Variants in ASIC2 observed in about 807,000 individuals in gnomAD.
ASIC2 encodes acid sensing ion channel subunit 2, also known as acid-sensing ion channel 2.
A neutral mutation model predicts 57.3 loss-of-function variants in ASIC2; 25 were observed. The ratio of observed to expected loss-of-function variants is 0.44; its 90% CI spans 0.32 to 0.61. ASIC2 has a LOEUF of 0.61. Among genes scored for constraint, ASIC2 ranks in the 20% least tolerant of loss-of-function variants. The pLI, the probability that ASIC2 is intolerant of heterozygous loss-of-function variation, is 0.06. For synonymous variants in ASIC2, 319 were observed against 307.5 expected (o/e 1.04, Z -0.39); for missense variants, 641 against 738.1 (o/e 0.87, Z 1.52).
At chr17:33,764,251 A>G (rs1910868866) in intron 1 of ASIC2, among the ~76,000 whole-genome samples, 1 of 150,968 alleles carries the variant, frequency 6.6e-6, no homozygotes, top group African/African-American at 2.4e-5. Flanking sequence ...CAGGAGGCGG[A>G]GCTTGCAGTG....
intron 1 of ASIC2, among the ~76,000 whole-genome samples, chr17:34,116,885 TGTGG>T (rs1263716558): frequency 2.0e-5 from 3 of 152,026 alleles, no homozygotes; most frequent in Non-Finnish European, 4.4e-5. Context: ...TATGTGTGTG[TGTGG>T]GTGGGTGGGT....
At chr17:33,906,481 T>C (rs530895176) in intron 1 of ASIC2, among the ~76,000 whole-genome samples, 7 of 152,336 alleles carry the variant, frequency 4.6e-5, no homozygotes, top group African/African-American at 1.7e-4. Flanking sequence ...AGATGCATGA[T>C]GGAAATGCAC....
intron 1 of ASIC2, among the ~76,000 whole-genome samples, chr17:33,330,083 A>G (rs1907249415): frequency 6.6e-6 from 1 of 152,088 alleles, no homozygotes; most frequent in South Asian, 2.1e-4. Context: ...CTGTGTTTGT[A>G]TGCATTTATT....
At chr17:33,072,048 C>A (rs2092071323) in intron 3 of ASIC2, among the ~76,000 whole-genome samples, 1 of 152,100 alleles carries the variant, frequency 6.6e-6, no homozygotes, top group Admixed American at 6.5e-5. Context: ...GGAGTTCTGT[C>A]TCTGTGAAGT....
At chr17:34,016,455 T>C (rs557769410) in intron 1 of ASIC2, among the ~76,000 whole-genome samples, 1 of 131,052 alleles carries the variant, frequency 7.6e-6, no homozygotes, top group South Asian at 2.4e-4. Context: ...AAAGAAACAA[T>C]GCAACTGCCC....
At chr17:33,252,076 A>C (rs1597651632) in intron 1 of ASIC2, among the ~76,000 whole-genome samples, 1 of 152,198 alleles carries the variant, frequency 6.6e-6, no homozygotes, top group African/African-American at 2.4e-5. Context: ...TGTGCAGAGC[A>C]TGAAGAACTG....
chr17:33,345,053 GA>G (rs1223638299), intron 1 of ASIC2, among the ~76,000 whole-genome samples: 1 of 152,052 alleles, frequency 6.6e-6, no homozygotes, highest in East Asian at 1.9e-4. Flanking sequence ...TGGAACTCCT[GA>G]CTACCAAAAT....
intron 1 of ASIC2, among the ~76,000 whole-genome samples, chr17:34,095,067 T>C (rs1335191399): frequency 6.6e-6 from 1 of 152,234 alleles, no homozygotes; most frequent in Non-Finnish European, 1.5e-5. Context: ...CCCTGGGTCT[T>C]CAGTTTCTCC....
intron 1 of ASIC2, among the ~76,000 whole-genome samples, chr17:33,706,998 T>C (rs1292561599): frequency 1.3e-5 from 2 of 152,204 alleles, no homozygotes; most frequent in Non-Finnish European, 2.9e-5. Flanking sequence ...GCTGTGAAAA[T>C]TCTTTGATTT....
chr17:33,156,857 A>G (rs1344936580), intron 1 of ASIC2, among the ~76,000 whole-genome samples: 2 of 152,188 alleles, frequency 1.3e-5, no homozygotes, highest in African/African-American at 4.8e-5. Flanking sequence ...GGAAGGGAAT[A>G]TTGGATATCA....
intron 1 of ASIC2, among the ~76,000 whole-genome samples, chr17:33,135,370 T>C (rs991240128): frequency 6.6e-6 from 1 of 152,222 alleles, no homozygotes; most frequent in Non-Finnish European, 1.5e-5. Context: ...CTTACTTGAA[T>C]CACTGTGCCT....
chr17:33,765,836 T>C (rs1193905036), intron 1 of ASIC2, among the ~76,000 whole-genome samples: 1 of 152,218 alleles, frequency 6.6e-6, no homozygotes, highest in African/African-American at 2.4e-5. Context: ...GTGAGGTCTT[T>C]GGCGTCCCTT....
intron 3 of ASIC2, among the ~76,000 whole-genome samples, chr17:33,064,527 T>C (rs1287337383): frequency 6.6e-6 from 1 of 152,184 alleles, no homozygotes; most frequent in African/African-American, 2.4e-5. Flanking sequence ...GAACAGCAAA[T>C]GTTGCTGTCT....
intron 1 of ASIC2, among the ~76,000 whole-genome samples, chr17:34,139,215 T>G (rs1912205382): frequency 6.6e-6 from 1 of 152,194 alleles, no homozygotes; most frequent in Non-Finnish European, 1.5e-5. Context: ...AACTAGCATC[T>G]CTAGTGAAAG....
At chr17:33,212,560 C>T (rs558308467) in intron 1 of ASIC2, among the ~76,000 whole-genome samples, 25 of 152,284 alleles carry the variant, frequency 1.6e-4, no homozygotes, top group African/African-American at 5.8e-4. Flanking sequence ...AGCCACTAAA[C>T]TCGTGACAGC....
At chr17:33,490,633 G>A (rs1913724276) in intron 1 of ASIC2, among the ~76,000 whole-genome samples, 1 of 152,188 alleles carries the variant, frequency 6.6e-6, no homozygotes, top group African/African-American at 2.4e-5. Context: ...TCTAAGATGT[G>A]ACTTTGCTTC....
At chr17:33,914,870 A>G (rs1329601338) in intron 1 of ASIC2, among the ~76,000 whole-genome samples, 1 of 152,212 alleles carries the variant, frequency 6.6e-6, no homozygotes, top group Non-Finnish European at 1.5e-5. Context: ...GTCACAGTTG[A>G]TCGATCAGGT....
chr17:33,430,038 C>T (rs1366267182), intron 1 of ASIC2, among the ~76,000 whole-genome samples: 1 of 152,144 alleles, frequency 6.6e-6, no homozygotes, highest in Non-Finnish European at 1.5e-5. Context: ...GAACCCTTCC[C>T]TTTTGTTGTA....
intron 1 of ASIC2, among the ~76,000 whole-genome samples, chr17:33,531,158 G>A (rs974807777): frequency 6.6e-6 from 1 of 152,162 alleles, no homozygotes; most frequent in African/African-American, 2.4e-5. Context: ...AGTAGAAAGA[G>A]TTTACAGGCA....
Sources: allele counts gnomAD v4.1 joint callset (sites outside exome capture counted in the v4.1 genomes callset), GRCh38; gene constraint gnomAD v4.1.1; transcripts MANE v1.5; gene names NCBI Gene and HGNC (gene_info 2026-07-23, HGNC 2026-07-21).